The following SLC18A1 variants were observed in gnomAD, a reference collection of about 807,000 sequenced individuals.
SLC18A1 encodes the protein chromaffin granule amine transporter.
In SLC18A1, 69 loss-of-function variants were observed where a neutral mutation model predicts 53.7. The observed-to-expected ratio is 1.28, with a 90% confidence interval of 1.06 to 1.57. The LOEUF is 1.57. Among genes scored for constraint, SLC18A1 ranks in the 40% most tolerant of loss-of-function variants. The pLI is 0.00. For missense variants in SLC18A1, 932 were observed against 668.1 expected (o/e 1.40, Z -4.35); for synonymous variants, 320 against 248.1 (o/e 1.29, Z -2.72).
At chr8:20,176,163 C>T (rs996943251) in intron 4 of SLC18A1, among the ~76,000 whole-genome samples, 5 of 152,086 alleles carry the variant, frequency 3.3e-5, no homozygotes, top group African/African-American at 9.7e-5. Flanking sequence ...GGGAAGGATC[C>T]CTCATGAATA....
At chr8:20,165,888 C>T (rs1278490789) in intron 8 of SLC18A1, among the ~76,000 whole-genome samples, 3 of 152,138 alleles carry the variant, frequency 2.0e-5, no homozygotes, top group Non-Finnish European at 1.5e-5. Flanking sequence ...ACACTATGTC[C>T]TAATCCTTCA....
intron 10 of SLC18A1, among the ~76,000 whole-genome samples, chr8:20,162,799 T>C (rs1262402231): frequency 1.3e-5 from 2 of 152,224 alleles, no homozygotes; most frequent in Non-Finnish European, 2.9e-5. Flanking sequence ...ACTTTCTCTA[T>C]AGCTCTCCTC....
chr8:20,149,471 C>T (rs929003086), intron 12 of SLC18A1, among the ~76,000 whole-genome samples: 5 of 152,068 alleles, frequency 3.3e-5, no homozygotes, highest in African/African-American at 4.8e-5. Context: ...CCTCTTCCCC[C>T]GTGCTAAATT....
chr8:20,166,381 A>G (rs1199360826), intron 8 of SLC18A1, among the ~76,000 whole-genome samples: 3 of 144,704 alleles, frequency 2.1e-5, no homozygotes, highest in Non-Finnish European at 3.0e-5. Flanking sequence ...CTAGTAGAGT[A>G]ATTTTCAGGA....
chr8:20,176,678 A>T (rs1328472421), intron 4 of SLC18A1, among the ~76,000 whole-genome samples: 4 of 152,316 alleles, frequency 2.6e-5, no homozygotes, highest in Admixed American at 1.3e-4. Context: ...AACATTGGAC[A>T]AGGATACCCT....
intron 12 of SLC18A1, among the ~76,000 whole-genome samples, chr8:20,149,456 G>C (rs943215835): frequency 1.3e-5 from 2 of 152,024 alleles, no homozygotes; most frequent in African/African-American, 4.8e-5. Context: ...CACTGCAGCT[G>C]GTGGCCTCTT....
chr8:20,169,766 C>A (rs915539767), intron 8 of SLC18A1, among the ~76,000 whole-genome samples: 4 of 152,086 alleles, frequency 2.6e-5, no homozygotes, highest in Non-Finnish European at 4.4e-5. Flanking sequence ...GTAATCCCAG[C>A]TACTTGGGAG....
chr8:20,164,491 CTAGATAGTATT>C (rs1166796358), intron 10 of SLC18A1, among the ~76,000 whole-genome samples: 1 of 152,142 alleles, frequency 6.6e-6, no homozygotes, highest in Non-Finnish European at 1.5e-5. Context: ...TTCTCTTGAA[CTAGATAGTATT>C]TTGATGCTCA....
intron 11 of SLC18A1, 150 bp from the exon 12 acceptor site, chr8:20,149,877 C>CAGA: frequency 1.5e-6 from 1 of 672,156 alleles, no homozygotes; most frequent in East Asian, 2.7e-5. Context: ...CCAGTTTGTA[C>CAGA]CCAAATGAGC....
At chr8:20,151,753 C>T (rs2071561324) in intron 10 of SLC18A1, among the ~76,000 whole-genome samples, 1 of 152,192 alleles carries the variant, frequency 6.6e-6, no homozygotes, top group Non-Finnish European at 1.5e-5. Context: ...CTTGTTAGCT[C>T]TGTGACTTTG....
chr8:20,181,891 T>C (rs2072438000), intron 1 of SLC18A1: 1 of 152,236 alleles, frequency 6.6e-6, no homozygotes, highest in Admixed American at 6.5e-5. Context: ...GCTCTGTGGT[T>C]CTAGAAGCAC....
intron 10 of SLC18A1, among the ~76,000 whole-genome samples, chr8:20,156,082 G>A (rs73669730): frequency 0.011 from 1,710 of 152,264 alleles, 40 homozygotes; most frequent in African/African-American, 0.038. Flanking sequence ...ACTGGAACTG[G>A]GCCTGCGACA....
intron 10 of SLC18A1, among the ~76,000 whole-genome samples, chr8:20,152,884 A>G (rs938289215): frequency 3.9e-5 from 6 of 152,166 alleles, no homozygotes; most frequent in African/African-American, 1.4e-4. Context: ...GGATGCTCCA[A>G]CCATAATTAA....
At chr8:20,153,173 G>T (rs1402213187) in intron 10 of SLC18A1, among the ~76,000 whole-genome samples, 1 of 152,108 alleles carries the variant, frequency 6.6e-6, no homozygotes, top group Non-Finnish European at 1.5e-5. Flanking sequence ...CCCACTTTAG[G>T]TTTGTGGCCA....
At position 20,158,734 on chromosome 8, in the gene SLC18A1, T is replaced by C. The variant is rs377734551; in HGVS notation, c.1015+6135A>G. On this transcript the variant is annotated intron_variant, in intron 10 of 15. Transcript: ENST00000276373. ...GATCTCAGGATTATCAGTGAGGCTATTGTCCCTCTATACCAAGCTGTACCT... is the reference window on the plus strand; with the variant it reads ...GATCTCAGGATTATCAGTGAGGCTACTGTCCCTCTATACCAAGCTGTACCT... 1.6e-4 allele frequency among the ~76,000 whole-genome samples: 25 copies of C among 152,246 alleles called. No homozygotes were observed. In the South Asian group the frequency reaches 1.9e-3, roughly 11 times the overall value.
At chr8:20,180,351 T>G (rs2072392831) in intron 2 of SLC18A1, among the ~76,000 whole-genome samples, 1 of 152,202 alleles carries the variant, frequency 6.6e-6, no homozygotes, top group Non-Finnish European at 1.5e-5. Context: ...TAACTTAATG[T>G]AATGATTAGG....
intron 10 of SLC18A1, among the ~76,000 whole-genome samples, chr8:20,153,199 A>C (rs1443075995): frequency 6.6e-6 from 1 of 150,840 alleles, no homozygotes; most frequent in East Asian, 1.9e-4. Context: ...ATAAGGTGAG[A>C]CCAACAGCGT....
In SLC18A1 at chr8:20,179,402, G is replaced by A. The variant is rs2128880589; in HGVS notation, c.207C>T (p.Ser69=). ...SSLHLGHAGS[S]PHALASPAFS... is the part of the protein sequence containing the mutation. ...AGGCAGGAGAGGCGAGGGCATGTGG[G>A]GAACTTCCGGCATGGCCGAGGTGCA... is the stretch of plus-strand genomic sequence containing the variant. The change falls in exon 3 of 16, where the codon TCC becomes TCT. Residue 69 remains serine (S), a synonymous_variant. Transcript: ENST00000276373. 4 of 1,614,006 alleles carry A rather than the reference G, an allele frequency of 2.5e-6. No homozygotes were observed. The highest frequency in any genetic ancestry group is 3.4e-6 in the Non-Finnish European group (4 of 1,180,000).
Position 20,180,825 on chromosome 8 carries a change from A to C in SLC18A1, c.124+16T>G. 1 of 1,613,538 alleles carries C rather than the reference A, an allele frequency of 6.2e-7. No homozygotes were observed. The highest frequency in any genetic ancestry group is 8.5e-7 in the Non-Finnish European group (1 of 1,179,644). The stretch of plus-strand genomic sequence containing the variant: ...CACAGCAAATTAACCCTCAGCACAA[A>C]GACCCACAAACGTACCCACCACAGT... On this transcript the variant is annotated intron_variant, in intron 2 of 15. Coordinates refer to ENST00000276373, the MANE Select transcript of SLC18A1 (RefSeq NM_003053.4).
Sources: gnomAD v4.1 joint callset for allele counts (sites outside exome capture counted in the v4.1 genomes callset) on GRCh38, gnomAD v4.1.1 for gene constraint, MANE v1.5 for transcripts, NCBI Gene and HGNC (gene_info 2026-07-23, HGNC 2026-07-21) for gene names.